Variants in KIZ observed in about 807,000 individuals in gnomAD.
KIZ encodes the protein centrosomal protein kizuna.
In KIZ, 68 loss-of-function variants were observed where a neutral mutation model predicts 79.6. The ratio of observed to expected loss-of-function variants is 0.85; its 90% CI spans 0.70 to 1.05. The LOEUF is 1.05. Among genes scored for constraint, KIZ ranks in the 50% least tolerant of loss-of-function variants. The pLI, the probability that KIZ is intolerant of heterozygous loss-of-function variation, is 0.00. For missense variants in KIZ, 797 were observed against 800.4 expected (o/e 1.00, Z 0.05); for synonymous variants, 280 against 281.8 (o/e 0.99, Z 0.06).
Position 21,163,107 on chromosome 20 carries a change from C to T in KIZ, c.1300C>T (p.Leu434=). 6.2e-7 allele frequency: 1 copy of T among 1,613,610 alleles called. No homozygotes were observed. Reference sequence around the variant, plus strand: ...TGAAAAAAATTGTATTTTGCAAACCCTAAGCTCTCCTGATTCAGAAAAGGA... The same window carrying T: ...TGAAAAAAATTGTATTTTGCAAACCTTAAGCTCTCCTGATTCAGAAAAGGA... The part of the protein sequence containing the change: ...STEKNCILQT[L]SSPDSEKESS... Residue 434 remains leucine (L), a synonymous_variant, in exon 6 of 13, where the codon CTA becomes TTA. Transcript: ENST00000619189.
At chr20:21,133,178 T>C (rs1038427441) in intron 2 of KIZ, 1 of 152,238 alleles carries the variant, frequency 6.6e-6, no homozygotes, top group African/African-American at 2.4e-5. Context: ...CCAAGAATCC[T>C]TTAAAGTCAA....
At position 21,153,487 on chromosome 20, in the gene KIZ, C is replaced by T. The variant is rs58258685; in HGVS notation, c.405+7833C>T. ...TTCCAATAACTGTTGAATTTCATGG[C>T]CAGAGATATCTCTCGATGGTCTAAG... is the stretch of plus-strand genomic sequence containing the variant. On this transcript the variant is annotated intron_variant, in intron 4 of 12. Transcript: ENST00000619189. 3.3e-5 allele frequency among the ~76,000 whole-genome samples: 5 copies of T among 151,972 alleles called. No individual in the cohort carries two copies. In the East Asian group the frequency reaches 9.7e-4, roughly 29 times the overall value.
chr20:21,234,376 C>G (rs1171261492), intron 11 of KIZ, among the ~76,000 whole-genome samples: 1 of 150,848 alleles, frequency 6.6e-6, no homozygotes, highest in Admixed American at 6.6e-5. Flanking sequence ...CACAAAAAGG[C>G]CTTGAAGGAA....
At chr20:21,229,677 CAA>C (rs2036774125) in intron 10 of KIZ, among the ~76,000 whole-genome samples, 1 of 152,076 alleles carries the variant, frequency 6.6e-6, no homozygotes, top group Non-Finnish European at 1.5e-5. Flanking sequence ...CAATCTCAAG[CAA>C]TCTTCCCTCC....
At chr20:21,146,094 C>T (rs941177854) in intron 4 of KIZ, among the ~76,000 whole-genome samples, 2 of 152,150 alleles carry the variant, frequency 1.3e-5, no homozygotes, top group African/African-American at 2.4e-5. Context: ...ACAAAAAGAT[C>T]GACAAGGAAT....
At chr20:21,126,277 T>G in intron 1 of KIZ, 73 bp downstream of exon 1, 5 of 1,048,350 alleles carry the variant, frequency 4.8e-6, no homozygotes, top group Non-Finnish European at 6.4e-6. Flanking sequence ...CCCATTTTCC[T>G]TCCCGCTCCC....
In KIZ at chr20:21,215,082, A is replaced by G. The variant is rs529873945; in HGVS notation, c.1612+382A>G. ...GAATTTTCTCATAATTGTAAACATT[A>G]CTTTTAATTATAATAGAACCTTATC... On this transcript the variant is annotated intron_variant, in intron 8 of 12. Coordinates refer to ENST00000619189, the MANE Select transcript of KIZ (RefSeq NM_018474.6). 2.8e-4 allele frequency among the ~76,000 whole-genome samples: 43 copies of G among 152,368 alleles called. No homozygotes were observed. In the South Asian group the frequency reaches 8.3e-3, roughly 29 times the overall value.
At chr20:21,173,149 A>C (rs2034288296) in intron 6 of KIZ, among the ~76,000 whole-genome samples, 1 of 152,172 alleles carries the variant, frequency 6.6e-6, no homozygotes, top group Admixed American at 6.5e-5. Context: ...CAAGTTGGGG[A>C]AAGAGTGGCA....
At chr20:21,161,807 A>AT in intron 4 of KIZ, 64 bp from the exon 5 acceptor site, 1 of 1,193,600 alleles carries the variant, frequency 8.4e-7, no homozygotes, top group Non-Finnish European at 1.2e-6. Flanking sequence ...CTGGAAAAAA[A>AT]AAAAAACCCC....
chr20:21,168,282 GGTGTATAT>G (rs1339098641), intron 6 of KIZ, among the ~76,000 whole-genome samples: 1 of 152,138 alleles, frequency 6.6e-6, no homozygotes, highest in Non-Finnish European at 1.5e-5. Context: ...AGTATTCCAT[GGTGTATAT>G]GTGCCACATT....
chr20:21,141,326 T>C (rs1315705901), intron 3 of KIZ, among the ~76,000 whole-genome samples: 1 of 152,138 alleles, frequency 6.6e-6, no homozygotes, highest in East Asian at 1.9e-4. Context: ...GGGTGTATTA[T>C]TAAGCTAGCT....
intron 7 of KIZ, among the ~76,000 whole-genome samples, chr20:21,211,775 A>G (rs1414400825): frequency 6.6e-6 from 1 of 152,200 alleles, no homozygotes; most frequent in East Asian, 1.9e-4. Context: ...AGAATGTGTT[A>G]CAGACGTTTT....
Position 21,225,331 on chromosome 20 carries a change from A to G in KIZ, c.1679-3680A>G, listed in dbSNP as rs114772741. On this transcript the variant is annotated intron_variant, in intron 9 of 12. Transcript: ENST00000619189. ...TGTGTATCAGAACATTCCAACCGAA[A>G]ATGATTGTATTCTTTAGAAATGCTT... Among the ~76,000 whole-genome samples the G allele has an allele frequency of 3.1e-3, 466 of 152,314 alleles. 5 individuals carry two copies. The highest frequency in any genetic ancestry group is 0.011 in the African/African-American group (446 of 41,570).
chr20:21,126,040 G>T, upstream of KIZ: 2 of 1,407,898 alleles, frequency 1.4e-6, no homozygotes, highest in Non-Finnish European at 1.8e-6. Flanking sequence ...GCGGTGCATG[G>T]TGGGGCGGTC....
chr20:21,194,277 T>C (rs1295039272), intron 6 of KIZ: 1 of 152,122 alleles, frequency 6.6e-6, no homozygotes, highest in African/African-American at 2.4e-5. Context: ...GAGAACAAGG[T>C]GATGGTAGGG....
chr20:21,190,052 A>G (rs1215659008), intron 6 of KIZ, among the ~76,000 whole-genome samples: 1 of 152,248 alleles, frequency 6.6e-6, no homozygotes, highest in Non-Finnish European at 1.5e-5. Flanking sequence ...TGTGGCAAAC[A>G]AAACCCTGTA....
rs191177495 is a variant in KIZ, at chr20:21,146,275, G to A, written c.405+621G>A. On this transcript the variant is annotated intron_variant, in intron 4 of 12. Transcript: ENST00000619189. ...TCTTGTAATAACTTGGAGCATGCTG[G>A]CAAGAGTAGTCACTTGTGACTATGT... Among the ~76,000 whole-genome samples, 179 of 133,982 alleles carry A rather than the reference G, an allele frequency of 1.3e-3. 2 individuals carry two copies. The South Asian group carries it at 0.026, about 19-fold the overall frequency. 87.9% of individuals were successfully genotyped at this position (133,982 alleles called of 152,430 possible).
chr20:21,178,472 G>A (rs899746794), intron 6 of KIZ, among the ~76,000 whole-genome samples: 2 of 150,426 alleles, frequency 1.3e-5, no homozygotes, highest in African/African-American at 4.9e-5. Flanking sequence ...CTAACAGTAT[G>A]CATCTGTGTG....
intron 6 of KIZ, chr20:21,197,411 C>T (rs942997372): frequency 2.0e-5 from 3 of 152,230 alleles, no homozygotes; most frequent in East Asian, 1.9e-4. Flanking sequence ...ACCTATACTT[C>T]AGCCAGAAGT....
Sources: gnomAD v4.1 joint callset for allele counts (sites outside exome capture counted in the v4.1 genomes callset) on GRCh38, gnomAD v4.1.1 for gene constraint, MANE v1.5 for transcripts, NCBI Gene and HGNC (gene_info 2026-07-23, HGNC 2026-07-21) for gene names.